The following SLC25A40 variants were observed in gnomAD, a reference collection of about 807,000 sequenced individuals.
The protein encoded by SLC25A40 is mitochondrial glutathione transporter SLC25A40.
SLC25A40 carries 41 observed loss-of-function variants against 46.5 expected under a neutral mutation model. That is an observed-to-expected ratio of 0.88 (90% CI 0.69 to 1.14). SLC25A40 has a LOEUF of 1.14. Among genes scored for constraint, SLC25A40 ranks in the 50% most tolerant of loss-of-function variants. The probability of loss-of-function intolerance (pLI) is 0.00; values close to 1 mark genes in which losing one functional copy is unlikely to be tolerated. For synonymous variants in SLC25A40, 126 were observed against 127.5 expected (o/e 0.99, Z 0.08); for missense variants, 386 against 393.6 (o/e 0.98, Z 0.16).
chr7:87,847,076 C>T lies in SLC25A40; in HGVS notation c.504G>A (p.Lys168=), dbSNP rs2131002109. The T allele has an allele frequency of 6.2e-7, 1 of 1,613,406 alleles. No individual in the cohort carries two copies. Among genetic ancestry groups the T allele is most frequent in the East Asian group, 2.2e-5 (1 of 44,858 alleles). ...VISPLELIRT[K]MQSKKFSYVE... Reference sequence around the variant, plus strand: ...CGTAAGAAAACTTCTTGGACTGCATCTTGGTTCTAATCAATTCTAGTGGAC... The same window carrying T: ...CGTAAGAAAACTTCTTGGACTGCATTTTGGTTCTAATCAATTCTAGTGGAC... The change falls in exon 8 of 12, where the codon AAG becomes AAA. Residue 168 remains lysine, a synonymous_variant. Coordinates refer to ENST00000341119, the MANE Select transcript of SLC25A40 (RefSeq NM_018843.4).
Position 87,834,412 on chromosome 7 carries a change from C to T in SLC25A40, c.*1837G>A, listed in dbSNP as rs1435396614. The T allele has an allele frequency of 6.6e-6, 1 of 151,294 alleles. No homozygotes were observed. The highest frequency in any genetic ancestry group is 2.1e-4 in the South Asian group (1 of 4,800). The allele number at this position is 151,294 out of a possible 1,614,324, so 9.4% of individuals were successfully genotyped here. On this transcript the variant is annotated 3_prime_UTR_variant, in exon 12 of 12. Transcript: ENST00000341119. Reference sequence around the variant, plus strand: ...TTAAAAGTATTAATATTTCTTTTTACCTCTTAAATATAAAGAAAGCTTCAA... The same window carrying T: ...TTAAAAGTATTAATATTTCTTTTTATCTCTTAAATATAAAGAAAGCTTCAA...
At chr7:87,856,167 GTT>G (rs1185413236) in intron 4 of SLC25A40, 123 bp downstream of exon 4, 1 of 818,022 alleles carries the variant, frequency 1.2e-6, no homozygotes, top group Non-Finnish European at 2.0e-6. Flanking sequence ...GAAAAAAAAA[GTT>G]TTTCATGAGG....
At position 87,856,142 on chromosome 7, in the gene SLC25A40, G is replaced by A. The variant is rs567707905; in HGVS notation, c.157+150C>T. 159 of 631,274 alleles carry A rather than the reference G, an allele frequency of 2.5e-4. 1 individual carries two copies. In the East Asian group the frequency reaches 3.7e-3, roughly 15 times the overall value. The allele number at this position is 631,274 out of a possible 1,614,324, so 39.1% of individuals were successfully genotyped here. A position where few individuals can be genotyped will look rare whatever the true frequency, so the allele number is the denominator to read the frequency against. On this transcript the variant is annotated intron_variant, in intron 4 of 11. Transcript: ENST00000341119. ...TTGCTTTTTGCCTACACCTCATCAC[G>A]TACAACTAAATGGTGAAAAAAAAAG...
At chr7:87,848,416 A>G (rs1029546354) in intron 6 of SLC25A40, among the ~76,000 whole-genome samples, 1 of 152,188 alleles carries the variant, frequency 6.6e-6, no homozygotes, top group African/African-American at 2.4e-5. Context: ...AAATAAATAA[A>G]TAAAATAAAA....
At chr7:87,855,648 T>C (rs1838601432) in intron 4 of SLC25A40, among the ~76,000 whole-genome samples, 1 of 152,184 alleles carries the variant, frequency 6.6e-6, no homozygotes, top group South Asian at 2.1e-4. Context: ...AATCTATCCT[T>C]TCATTCATCT....
intron 1 of SLC25A40, among the ~76,000 whole-genome samples, chr7:87,871,145 C>T (rs1250824175): frequency 1.3e-5 from 2 of 152,196 alleles, no homozygotes; most frequent in East Asian, 1.9e-4. Flanking sequence ...GGTGGAACAG[C>T]GAGTGAGTAG....
At chr7:87,852,470 G>A (rs2131006911) in intron 5 of SLC25A40, among the ~76,000 whole-genome samples, 1 of 152,248 alleles carries the variant, frequency 6.6e-6, no homozygotes, top group Non-Finnish European at 1.5e-5. Flanking sequence ...TTGGGAGACG[G>A]AGGTGGGAGA....
intron 10 of SLC25A40, among the ~76,000 whole-genome samples, chr7:87,841,001 A>C (rs1306271015): frequency 1.3e-5 from 2 of 151,684 alleles, no homozygotes; most frequent in Admixed American, 6.6e-5. Flanking sequence ...AAAGGGAATA[A>C]ATGATGACAG....
At chr7:87,842,075 A>G (rs1318547260) in intron 9 of SLC25A40, 2 of 347,698 alleles carry the variant, frequency 5.8e-6, no homozygotes, top group Admixed American at 3.1e-5. Context: ...CACATATGTC[A>G]AAGCAGAAAT....
chr7:87,867,647 A>G (rs1051794745), intron 1 of SLC25A40, among the ~76,000 whole-genome samples: 14 of 152,086 alleles, frequency 9.2e-5, no homozygotes, highest in African/African-American at 2.9e-4. Context: ...TATTTCCTAT[A>G]GATTTATGTC....
chr7:87,848,028 T>C (rs528421054), intron 6 of SLC25A40, 51 bp from the exon 7 acceptor site: 9 of 1,553,664 alleles, frequency 5.8e-6, no homozygotes, highest in African/African-American at 5.6e-5. Context: ...AGATCCCACA[T>C]AGTCTTAACT....
chr7:87,866,228 G>A (rs1167112587), intron 1 of SLC25A40, among the ~76,000 whole-genome samples: 2 of 152,138 alleles, frequency 1.3e-5, no homozygotes, highest in African/African-American at 4.8e-5. Flanking sequence ...AATGGGTATG[G>A]TGTGGTGAAT....
At chr7:87,874,081 G>T (rs1449325488) in intron 1 of SLC25A40, among the ~76,000 whole-genome samples, 1 of 152,054 alleles carries the variant, frequency 6.6e-6, no homozygotes, top group Non-Finnish European at 1.5e-5. Context: ...TCCTTTCTGT[G>T]GCTACTAACA....
At chr7:87,866,316 G>C (rs997427553) in intron 1 of SLC25A40, among the ~76,000 whole-genome samples, 3 of 151,968 alleles carry the variant, frequency 2.0e-5, no homozygotes, top group Non-Finnish European at 4.4e-5. Context: ...CAGTATTCTT[G>C]GATGGCAGAT....
chr7:87,852,977 T>C (rs940920197), intron 5 of SLC25A40, among the ~76,000 whole-genome samples: 1 of 152,158 alleles, frequency 6.6e-6, no homozygotes, highest in Non-Finnish European at 1.5e-5. Flanking sequence ...CTATAAAAGA[T>C]ATTAATAAAT....
intron 1 of SLC25A40, among the ~76,000 whole-genome samples, chr7:87,861,547 T>C (rs1838699517): frequency 6.6e-6 from 1 of 152,210 alleles, no homozygotes; most frequent in African/African-American, 2.4e-5. Context: ...CATATTTCAT[T>C]GTTCTGTATT....
chr7:87,844,063 A>C (rs1838376933), intron 8 of SLC25A40, 200 bp from the exon 9 acceptor site: 1 of 871,758 alleles, frequency 1.1e-6, no homozygotes, highest in Non-Finnish European at 1.4e-6. Context: ...CCTATAAACA[A>C]AAAAAACTAT....
intron 4 of SLC25A40, among the ~76,000 whole-genome samples, chr7:87,855,407 C>A (rs1000425727): frequency 6.6e-6 from 1 of 152,140 alleles, no homozygotes; most frequent in African/African-American, 2.4e-5. Context: ...CTGTACTGTA[C>A]TGCTCAGTCT....
intron 1 of SLC25A40, among the ~76,000 whole-genome samples, chr7:87,862,625 A>G (rs553132386): frequency 6.6e-6 from 1 of 152,336 alleles, no homozygotes; most frequent in South Asian, 2.1e-4. Context: ...TTTCAAAACA[A>G]ATATGTGTTA....
Sources: allele counts gnomAD v4.1 joint callset (sites outside exome capture counted in the v4.1 genomes callset), GRCh38; gene constraint gnomAD v4.1.1; transcripts MANE v1.5; gene names NCBI Gene and HGNC (gene_info 2026-07-23, HGNC 2026-07-21).